HDAC9: variants seen among roughly 807,000 people sequenced by gnomAD.
HDAC9 encodes the protein histone deacetylase 9.
HDAC9 carries 41 observed loss-of-function variants against 139.4 expected under a neutral mutation model. The ratio of observed to expected loss-of-function variants is 0.29; its 90% CI spans 0.23 to 0.38. HDAC9 has a LOEUF of 0.38. HDAC9 is among the 10% of genes least tolerant of loss of function. The probability of loss-of-function intolerance (pLI) is 1.00; values close to 1 mark genes in which losing one functional copy is unlikely to be tolerated. For missense variants in HDAC9, 1,147 were observed against 1,297.0 expected, an observed-to-expected ratio of 0.88 and a Z score of 1.78; for synonymous variants, 517 against 476.2, an observed-to-expected ratio of 1.09 and a Z score of -1.12.
intron 7 of HDAC9, among the ~76,000 whole-genome samples, chr7:18,632,892 AAGAG>A (rs1181212569): frequency 6.6e-6 from 1 of 152,084 alleles, no homozygotes; most frequent in East Asian, 1.9e-4. Context: ...ATTTGCAGTA[AAGAG>A]AGAGTGAGGA....
chr7:18,873,369 G>A (rs1466976515), intron 21 of HDAC9, among the ~76,000 whole-genome samples: 3 of 152,120 alleles, frequency 2.0e-5, no homozygotes, highest in African/African-American at 7.2e-5. Context: ...TTTTATGACA[G>A]TGGATTCATT....
chr7:18,424,119 C>T lies in HDAC9; in HGVS notation c.-41-72143C>T, dbSNP rs567137648. On this transcript the variant is annotated intron_variant, in intron 1 of 3. Coordinates refer to the HDAC9 transcript ENST00000413509. ...CTTGATTTGGAGCTATGACATTCCACGTTACTGATCTTTAGTCTGACAAAA... is the reference window on the plus strand; with the variant it reads ...CTTGATTTGGAGCTATGACATTCCATGTTACTGATCTTTAGTCTGACAAAA... Among the ~76,000 whole-genome samples, 6 of 152,278 alleles carry T rather than the reference C, an allele frequency of 3.9e-5. No individual in the cohort carries two copies. In the East Asian group the frequency reaches 5.8e-4, roughly 15 times the overall value.
chr7:18,730,587 T>C (rs1418259720), intron 13 of HDAC9, among the ~76,000 whole-genome samples: 1 of 152,124 alleles, frequency 6.6e-6, no homozygotes, highest in Non-Finnish European at 1.5e-5. Context: ...CCAGTTGAGG[T>C]CAATAGGAAC....
intron 1 of HDAC9, among the ~76,000 whole-genome samples, chr7:18,411,082 G>A (rs1189329214): frequency 6.6e-6 from 1 of 152,192 alleles, no homozygotes; most frequent in Non-Finnish European, 1.5e-5. Context: ...TCAGTGTTTG[G>A]GAGGTGCTAA....
intron 24 of HDAC9, among the ~76,000 whole-genome samples, chr7:18,964,294 A>G (rs181438327): frequency 6.6e-6 from 1 of 152,124 alleles, no homozygotes; most frequent in South Asian, 2.1e-4. Context: ...ACTCCTATAC[A>G]TACTTCATAT....
intron 1 of HDAC9, among the ~76,000 whole-genome samples, chr7:18,468,606 G>C (rs994124463): frequency 3.9e-5 from 6 of 152,028 alleles, no homozygotes; most frequent in African/African-American, 1.4e-4. Flanking sequence ...TCTTGGCCCA[G>C]CTTAATTTTT....
chr7:18,267,716 T>C (rs900868838), intron 2 of HDAC9, among the ~76,000 whole-genome samples: 5 of 152,292 alleles, frequency 3.3e-5, no homozygotes, highest in Admixed American at 3.3e-4. Context: ...CTTAGTTTCA[T>C]TTCATACTTT....
At chr7:18,943,968 C>G (rs1213752475) in intron 23 of HDAC9, among the ~76,000 whole-genome samples, 1 of 152,008 alleles carries the variant, frequency 6.6e-6, no homozygotes, top group Non-Finnish European at 1.5e-5. Flanking sequence ...GATATTTCCC[C>G]CAATCTATTT....
chr7:18,306,769 C>T (rs1000064868), intron 1 of HDAC9, among the ~76,000 whole-genome samples: 1 of 152,170 alleles, frequency 6.6e-6, no homozygotes, highest in Non-Finnish European at 1.5e-5. Flanking sequence ...TTTCAAGCTT[C>T]ATCAATATTG....
intron 12 of HDAC9, among the ~76,000 whole-genome samples, chr7:18,717,862 A>G (rs1784824495): frequency 6.6e-6 from 1 of 152,242 alleles, no homozygotes; most frequent in African/African-American, 2.4e-5. Flanking sequence ...AATAGAAATT[A>G]AGAAAGGAGA....
In HDAC9 at chr7:18,252,192, A is replaced by G. The variant is rs543707617; in HGVS notation, c.25+89843A>G. On this transcript the variant is annotated intron_variant, in intron 2 of 12. Coordinates refer to the HDAC9 transcript ENST00000417496. ...AAATATGAAATATTTGTTGCCATCT[A>G]CAAGAGAAATGTGGAACTACAACCA... Among the ~76,000 whole-genome samples, 6 of 152,320 alleles carry G rather than the reference A, an allele frequency of 3.9e-5. No homozygotes were observed. The South Asian group carries it at 6.2e-4, about 16-fold the overall frequency.
chr7:18,804,984 T>C (rs1308913487), intron 17 of HDAC9, among the ~76,000 whole-genome samples: 2 of 152,058 alleles, frequency 1.3e-5, no homozygotes, highest in East Asian at 3.9e-4. Flanking sequence ...TTTGAAGAGA[T>C]GGTGTTTTGC....
intron 22 of HDAC9, among the ~76,000 whole-genome samples, chr7:18,909,224 C>T (rs1042424276): frequency 1.3e-5 from 2 of 151,910 alleles, no homozygotes; most frequent in Admixed American, 1.3e-4. Flanking sequence ...GATCAATTGT[C>T]CATTTTTAAA....
intron 1 of HDAC9, among the ~76,000 whole-genome samples, chr7:18,110,806 C>G (rs1268510116): frequency 1.3e-5 from 2 of 152,014 alleles, no homozygotes; most frequent in Non-Finnish European, 2.9e-5. Flanking sequence ...GGAGTCTAAA[C>G]TGAGGTAGTA....
At chr7:18,951,720 T>C (rs1782808439) in intron 23 of HDAC9, among the ~76,000 whole-genome samples, 1 of 151,808 alleles carries the variant, frequency 6.6e-6, no homozygotes, top group Admixed American at 6.6e-5. Context: ...CATATTCTTA[T>C]TTTCTGCTCC....
chr7:18,094,803 A>G (rs1477962026), intron 1 of HDAC9, among the ~76,000 whole-genome samples: 1 of 152,096 alleles, frequency 6.6e-6, no homozygotes, highest in Non-Finnish European at 1.5e-5. Flanking sequence ...CCAGTAAATC[A>G]TTAAGGATTT....
At chr7:18,630,823 G>A (rs1221600258) in intron 7 of HDAC9, among the ~76,000 whole-genome samples, 1 of 151,984 alleles carries the variant, frequency 6.6e-6, no homozygotes, top group Non-Finnish European at 1.5e-5. Context: ...TGATGGGGGT[G>A]GGCAGTTGAG....
intron 1 of HDAC9, among the ~76,000 whole-genome samples, chr7:18,479,728 T>C (rs1448743622): frequency 6.6e-6 from 1 of 152,134 alleles, no homozygotes; most frequent in Non-Finnish European, 1.5e-5. Flanking sequence ...TTTTTTTCTT[T>C]ATTGTCCTTT....
chr7:18,100,128 A>G (rs1442226558), intron 1 of HDAC9, among the ~76,000 whole-genome samples: 1 of 152,194 alleles, frequency 6.6e-6, no homozygotes, highest in East Asian at 1.9e-4. Context: ...AATAGTTTAA[A>G]GATGTTACTT....
Sources: allele counts gnomAD v4.1 joint callset (sites outside exome capture counted in the v4.1 genomes callset), GRCh38; gene constraint gnomAD v4.1.1; transcripts MANE v1.5; gene names NCBI Gene and HGNC (gene_info 2026-07-23, HGNC 2026-07-21).